LRFN2: variants seen among roughly 807,000 people sequenced by gnomAD.
LRFN2 encodes the protein leucine rich repeat and fibronectin type III domain containing 2, also known as leucine-rich repeat and fibronectin type-III domain-containing protein 2.
LRFN2 carries 18 observed loss-of-function variants against 37.3 expected under a neutral mutation model. The observed-to-expected ratio is 0.48, with a 90% CI of 0.33 to 0.72. The LOEUF (loss-of-function observed/expected upper bound fraction) is 0.72. Ranked by LOEUF, LRFN2 falls within the 30% of genes least tolerant of loss-of-function variation. LRFN2 has a pLI of 0.02. For missense variants in LRFN2, 1,006 were observed against 1,060.7 expected (o/e 0.95, Z 0.72); for synonymous variants, 556 against 466.6 (o/e 1.19, Z -2.47).
chr6:40,392,744 C>T lies in LRFN2; in HGVS notation c.1569G>A (p.Gln523=). 1 of 1,614,130 alleles carries T rather than the reference C, an allele frequency of 6.2e-7. No homozygotes were observed. Among genetic ancestry groups the T allele is most frequent in the Non-Finnish European group, 8.5e-7 (1 of 1,180,004 alleles). Residue 523 remains glutamine, a synonymous_variant, in exon 3 of 3, where the codon CAG becomes CAA. Transcript: ENST00000338305. The surrounding 1 kb of genome is among the most constrained non-coding windows in gnomAD (Gnocchi z 4.7). ...FFTKADYPQC[Q]SMHSQILGGT... Reference sequence around the variant, plus strand: ...CGCCCAGAATCTGGCTGTGCATGGACTGGCACTGCGGGTAGTCAGCCTTGG... The same window carrying T: ...CGCCCAGAATCTGGCTGTGCATGGATTGGCACTGCGGGTAGTCAGCCTTGG...
At chr6:40,558,377 T>A (rs1015202069) in intron 1 of LRFN2, among the ~76,000 whole-genome samples, 13 of 152,232 alleles carry the variant, frequency 8.5e-5, no homozygotes, top group African/African-American at 3.1e-4. Flanking sequence ...GTGGAAGGTC[T>A]AGGCCACTGC....
intron 1 of LRFN2, among the ~76,000 whole-genome samples, chr6:40,522,865 C>T (rs1766125076): frequency 6.6e-6 from 1 of 152,232 alleles, no homozygotes; most frequent in Non-Finnish European, 1.5e-5. Context: ...GTTTGTGACT[C>T]TGTCCTCTGT....
chr6:40,468,843 C>T (rs77511594), intron 1 of LRFN2, among the ~76,000 whole-genome samples: 1 of 152,014 alleles, frequency 6.6e-6, no homozygotes, highest in African/African-American at 2.4e-5. Context: ...GGAATCATGT[C>T]GGCCCTATGT....
intron 1 of LRFN2, among the ~76,000 whole-genome samples, chr6:40,525,818 T>C (rs1766239142): frequency 6.6e-6 from 1 of 152,060 alleles, no homozygotes; most frequent in Non-Finnish European, 1.5e-5. Flanking sequence ...ACCTGGACAA[T>C]CTTGCTTTTT....
chr6:40,412,329 A>C (rs368240357), intron 2 of LRFN2, among the ~76,000 whole-genome samples: 1 of 152,304 alleles, frequency 6.6e-6, no homozygotes, highest in Non-Finnish European at 1.5e-5. Context: ...CTTTGAGTTA[A>C]TGAATTATTT....
intron 1 of LRFN2, among the ~76,000 whole-genome samples, chr6:40,499,275 C>T (rs529792864): frequency 6.6e-6 from 1 of 152,300 alleles, no homozygotes; most frequent in Non-Finnish European, 1.5e-5. Flanking sequence ...CTGATGATGC[C>T]GTTCAAGACA....
At chr6:40,545,523 A>T (rs1191546825) in intron 1 of LRFN2, among the ~76,000 whole-genome samples, 1 of 152,196 alleles carries the variant, frequency 6.6e-6, no homozygotes, top group Non-Finnish European at 1.5e-5. Flanking sequence ...GGAGCATGTT[A>T]AGTGGGTTAC....
At chr6:40,410,690 C>G (rs1462105743) in intron 2 of LRFN2, among the ~76,000 whole-genome samples, 1 of 152,178 alleles carries the variant, frequency 6.6e-6, no homozygotes, top group East Asian at 1.9e-4. Flanking sequence ...TCATCTCTTA[C>G]AGACTAACAC....
chr6:40,440,983 A>G (rs1245815898), intron 1 of LRFN2, among the ~76,000 whole-genome samples: 1 of 152,210 alleles, frequency 6.6e-6, no homozygotes. Flanking sequence ...TCATTATATA[A>G]GGGACCAACT....
At chr6:40,455,532 T>G (rs560990104) in intron 1 of LRFN2, among the ~76,000 whole-genome samples, 1 of 152,326 alleles carries the variant, frequency 6.6e-6, no homozygotes, top group Non-Finnish European at 1.5e-5. Context: ...GGAAATATCC[T>G]AAAATGGAGA....
At chr6:40,441,407 G>A (rs1763832400) in intron 1 of LRFN2, among the ~76,000 whole-genome samples, 1 of 152,156 alleles carries the variant, frequency 6.6e-6, no homozygotes, top group East Asian at 1.9e-4. Flanking sequence ...GGCCTCACAT[G>A]AATGGAGGTG....
rs547963710 is a variant in LRFN2, at chr6:40,397,035, T to C, written c.1401-4123A>G. ...GGGGCTGAGACCAGAACAGGTCCAT[T>C]GCATCCCACAGCCCACACTTCTTAA... On this transcript the variant is annotated intron_variant, in intron 2 of 2. Coordinates refer to ENST00000338305, the MANE Select transcript of LRFN2 (RefSeq NM_020737.3). 2.6e-5 allele frequency among the ~76,000 whole-genome samples: 4 copies of C among 152,306 alleles called. No homozygotes were observed. The South Asian group carries it at 6.2e-4, about 24-fold the overall frequency.
rs1214969329 is a variant in LRFN2, at chr6:40,392,397, G to A, written c.1916C>T (p.Pro639Leu). ...SGEAAGLGRA[P>L]WRIPPSAPRP... ...CGGGGCGGAGGGTGGGATCCTCCAG[G>A]GGGCCCGTCCCAGCCCCGCAGCCTC... The change falls in exon 3 of 3, where the codon CCC becomes CTC. Residue 639 changes from proline to leucine, a missense_variant. Physicochemically the swap from Pro to Leu is moderately conservative, Grantham distance 98. This residue lies in a region of LRFN2 where 398 missense variants were observed against 327.6 expected (regional missense o/e 1.21). Coordinates refer to ENST00000338305, the MANE Select transcript of LRFN2 (RefSeq NM_020737.3). This position sits in a 1 kb window ranked among gnomAD's most constrained non-coding sequence, Gnocchi z 4.7. 6.3e-7 allele frequency: 1 copy of A among 1,578,748 alleles called. No individual in the cohort carries two copies. The highest frequency in any genetic ancestry group is 8.6e-7 in the Non-Finnish European group (1 of 1,162,566).
chr6:40,533,101 A>G (rs892225702), intron 1 of LRFN2, among the ~76,000 whole-genome samples: 5 of 151,964 alleles, frequency 3.3e-5, no homozygotes, highest in African/African-American at 1.2e-4. Context: ...TGTTTTACCC[A>G]TTGAGTATTT....
intron 2 of LRFN2, among the ~76,000 whole-genome samples, chr6:40,415,424 C>T (rs1200841984): frequency 6.6e-6 from 1 of 152,062 alleles, no homozygotes; most frequent in Admixed American, 6.5e-5. Context: ...CGAGGTTTCA[C>T]CATGTTGGCC....
At chr6:40,508,203 T>G (rs1765598108) in intron 1 of LRFN2, among the ~76,000 whole-genome samples, 1 of 152,248 alleles carries the variant, frequency 6.6e-6, no homozygotes, top group Non-Finnish European at 1.5e-5. Flanking sequence ...TTGTATCTAG[T>G]ACCACTCTAC....
At chr6:40,427,616 T>A (rs976514717) in intron 2 of LRFN2, among the ~76,000 whole-genome samples, 1 of 152,252 alleles carries the variant, frequency 6.6e-6, no homozygotes, top group African/African-American at 2.4e-5. Flanking sequence ...TTGCCCTTAG[T>A]GAACCCATGT....
intron 1 of LRFN2, among the ~76,000 whole-genome samples, chr6:40,515,706 T>G (rs963312052): frequency 1.3e-5 from 2 of 151,968 alleles, no homozygotes; most frequent in Non-Finnish European, 1.5e-5. Context: ...CTGGCCAACG[T>G]GGTGAAACCC....
chr6:40,412,942 T>C (rs985146), intron 2 of LRFN2, among the ~76,000 whole-genome samples: 30,422 of 152,138 alleles, frequency 0.2, 3,220 homozygotes, highest in Admixed American at 0.3. Flanking sequence ...CATCACCTCA[T>C]TGAGCAGGTG....
Sources: allele counts gnomAD v4.1 joint callset (sites outside exome capture counted in the v4.1 genomes callset), GRCh38; gene constraint gnomAD v4.1.1; regional missense constraint gnomAD v4.1.1; non-coding constraint Gnocchi (gnomAD v3.1); transcripts MANE v1.5; gene names NCBI Gene and HGNC (gene_info 2026-07-23, HGNC 2026-07-21).